The following BRINP1 variants were observed in gnomAD, a reference collection of about 807,000 sequenced individuals.
The protein encoded by BRINP1 is BMP/retinoic acid-inducible neural-specific protein 1.
BRINP1 carries 17 observed loss-of-function variants against 72.9 expected under a neutral mutation model. The ratio of observed to expected loss-of-function variants is 0.23; its 90% CI spans 0.16 to 0.35. The LOEUF is 0.35. BRINP1 is among the 10% of genes least tolerant of loss of function. The probability of loss-of-function intolerance (pLI) is 1.00; values close to 1 mark genes in which losing one functional copy is unlikely to be tolerated. For synonymous variants in BRINP1, 418 were observed against 378.5 expected (o/e 1.10, Z -1.21); for missense variants, 850 against 1,001.6 (o/e 0.85, Z 2.04).
At chr9:119,243,020 A>C (rs1426655197) in intron 3 of BRINP1, among the ~76,000 whole-genome samples, 1 of 151,524 alleles carries the variant, frequency 6.6e-6, no homozygotes, top group Non-Finnish European at 1.5e-5. Context: ...TTTGGTAAAC[A>C]GTTGAAAACC....
intron 2 of BRINP1, among the ~76,000 whole-genome samples, chr9:119,260,781 A>G (rs1297887610): frequency 6.6e-6 from 1 of 152,170 alleles, no homozygotes; most frequent in Non-Finnish European, 1.5e-5. Flanking sequence ...TGATGATTAA[A>G]CAAGGTAATT....
At chr9:119,205,688 C>T (rs961792860) in intron 7 of BRINP1, among the ~76,000 whole-genome samples, 2 of 152,146 alleles carry the variant, frequency 1.3e-5, no homozygotes, top group Non-Finnish European at 2.9e-5. Flanking sequence ...CGAGTCTTCC[C>T]TTGAACTTAG....
chr9:119,288,409 C>T (rs1165858548), intron 2 of BRINP1, among the ~76,000 whole-genome samples: 3 of 152,090 alleles, frequency 2.0e-5, no homozygotes, highest in Non-Finnish European at 4.4e-5. Context: ...AAATACAATG[C>T]TGGGTGATTT....
chr9:119,337,920 G>C (rs1178986771), intron 1 of BRINP1, among the ~76,000 whole-genome samples: 2 of 152,202 alleles, frequency 1.3e-5, no homozygotes, highest in African/African-American at 4.8e-5. Flanking sequence ...TCAGAAGAGT[G>C]TTTCACTGGG....
chr9:119,274,854 A>C (rs1387068561), intron 2 of BRINP1, among the ~76,000 whole-genome samples: 3 of 152,138 alleles, frequency 2.0e-5, no homozygotes, highest in African/African-American at 7.2e-5. Flanking sequence ...TAAGGTATAG[A>C]TATAGATATA....
intron 3 of BRINP1, among the ~76,000 whole-genome samples, chr9:119,246,964 G>A (rs968834708): frequency 6.6e-6 from 1 of 152,320 alleles, no homozygotes; most frequent in Admixed American, 6.5e-5. Context: ...GTAAAAATAG[G>A]AGAGGAACAA....
chr9:119,256,538 G>GAGTT (rs1464391487), intron 2 of BRINP1, among the ~76,000 whole-genome samples: 1 of 152,222 alleles, frequency 6.6e-6, no homozygotes, highest in Non-Finnish European at 1.5e-5. Flanking sequence ...TGTGCTGGAA[G>GAGTT]AGTTAGATGA....
chr9:119,271,686 AAG>A (rs967494025), intron 2 of BRINP1, among the ~76,000 whole-genome samples: 84 of 152,242 alleles, frequency 5.5e-4, no homozygotes, highest in African/African-American at 1.9e-3. Flanking sequence ...GCTAGGAAAA[AAG>A]AGAGAAGGAG....
chr9:119,353,546 C>G (rs1831525966), intron 1 of BRINP1, among the ~76,000 whole-genome samples: 1 of 152,116 alleles, frequency 6.6e-6, no homozygotes, highest in Admixed American at 6.6e-5. Context: ...TCCACGTCTG[C>G]TTTATGTTCT....
chr9:119,343,870 T>C (rs1000022107), intron 1 of BRINP1, among the ~76,000 whole-genome samples: 2 of 152,216 alleles, frequency 1.3e-5, no homozygotes, highest in African/African-American at 4.8e-5. Flanking sequence ...CGTGTTTACA[T>C]ATGTTGTTCT....
At position 119,175,472 on chromosome 9, in the gene BRINP1, TAACA is replaced by T. The variant is rs560978733; in HGVS notation, c.1146-7252_1146-7249del. ...CCACCATAGCACATGTATACCTATG[TAACA>T]AACCTGCACGTTCTGCACATGTATC... On this transcript the variant is annotated intron_variant, in intron 7 of 7. Coordinates refer to ENST00000265922, the MANE Select transcript of BRINP1 (RefSeq NM_014618.3). 4.6e-3 allele frequency among the ~76,000 whole-genome samples: 699 copies of T among 152,204 alleles called. 3 individuals are homozygous for T. Among genetic ancestry groups the T allele is most frequent in the South Asian group, 0.013 (62 of 4,818 alleles).
intron 2 of BRINP1, among the ~76,000 whole-genome samples, chr9:119,282,247 G>A (rs1218134080): frequency 1.3e-5 from 2 of 151,394 alleles, no homozygotes; most frequent in African/African-American, 4.9e-5. Context: ...GTGTTGGGGA[G>A]AGTGCTGAAC....
intron 3 of BRINP1, among the ~76,000 whole-genome samples, chr9:119,247,848 GACAATGT>G (rs1256950325): frequency 6.6e-6 from 1 of 152,126 alleles, no homozygotes; most frequent in African/African-American, 2.4e-5. Flanking sequence ...GAGGACTAAA[GACAATGT>G]ACAATGTCTG....
At chr9:119,329,989 G>A (rs997619345) in intron 1 of BRINP1, among the ~76,000 whole-genome samples, 7 of 152,162 alleles carry the variant, frequency 4.6e-5, no homozygotes, top group African/African-American at 7.2e-5. Flanking sequence ...CATAGGCCCC[G>A]AGCTGGGCTT....
intron 7 of BRINP1, among the ~76,000 whole-genome samples, chr9:119,174,386 T>G (rs1159591479): frequency 2.0e-5 from 3 of 150,166 alleles, no homozygotes; most frequent in Non-Finnish European, 3.0e-5. Context: ...TCACTGGCCA[T>G]CAGAGAAATG....
intron 5 of BRINP1, among the ~76,000 whole-genome samples, chr9:119,214,422 G>C (rs558885840): frequency 1.5e-4 from 23 of 152,274 alleles, no homozygotes; most frequent in Non-Finnish European, 3.2e-4. Flanking sequence ...ACTGAGGCTA[G>C]AGCCACATAT....
chr9:119,172,467 T>G (rs369897519), intron 7 of BRINP1, among the ~76,000 whole-genome samples: 26 of 151,902 alleles, frequency 1.7e-4, no homozygotes, highest in East Asian at 1.2e-3. Flanking sequence ...AATAACAGGA[T>G]CTGAAATTGT....
intron 2 of BRINP1, among the ~76,000 whole-genome samples, chr9:119,264,796 A>T (rs1465597814): frequency 6.6e-6 from 1 of 152,136 alleles, no homozygotes; most frequent in Admixed American, 6.5e-5. Flanking sequence ...CAGCCTCCTG[A>T]GTAAATGGGA....
intron 1 of BRINP1, among the ~76,000 whole-genome samples, chr9:119,323,589 T>A (rs529076732): frequency 6.6e-6 from 1 of 151,932 alleles, no homozygotes; most frequent in African/African-American, 2.4e-5. Context: ...AAGTAAGAAA[T>A]CCCAGAGAAA....
Sources: gnomAD v4.1 joint callset for allele counts (sites outside exome capture counted in the v4.1 genomes callset) on GRCh38, gnomAD v4.1.1 for gene constraint, MANE v1.5 for transcripts, NCBI Gene and HGNC (gene_info 2026-07-23, HGNC 2026-07-21) for gene names.